PHF24: variants seen among roughly 807,000 people sequenced by gnomAD.
PHF24 encodes the protein Galpha inhibitory interacting protein.
A neutral mutation model predicts 42.6 loss-of-function variants in PHF24; 25 were observed. The ratio of observed to expected loss-of-function variants is 0.59; its 90% confidence interval spans 0.43 to 0.82. PHF24 has a LOEUF of 0.82. PHF24 is among the 40% of genes least tolerant of loss of function. The probability of loss-of-function intolerance (pLI) is 0.00; values close to 1 mark genes in which losing one functional copy is unlikely to be tolerated. For missense variants in PHF24, 470 were observed against 538.1 expected, an observed-to-expected ratio of 0.87 and a Z score of 1.25; for synonymous variants, 185 against 204.8, an observed-to-expected ratio of 0.90 and a Z score of 0.83.
At chr9:34,744,089 T>C in the PHF24 span, among the ~76,000 whole-genome samples, 1 of 152,178 alleles carries the variant, frequency 6.6e-6, no homozygotes, top group Non-Finnish European at 1.5e-5. Flanking sequence ...CTTAATACCT[T>C]TGCACTGGAG....
chr9:34,738,623 G>A, the PHF24 span, among the ~76,000 whole-genome samples: 2 of 152,164 alleles, frequency 1.3e-5, no homozygotes, highest in African/African-American at 4.8e-5. Flanking sequence ...TGGGATTACA[G>A]GTGTAAGCCA....
chr9:34,841,900 T>A, the PHF24 span, among the ~76,000 whole-genome samples: 7 of 152,234 alleles, frequency 4.6e-5, no homozygotes, highest in Admixed American at 4.6e-4. Context: ...ATTTTCACAT[T>A]TGTATATACT....
chr9:34,880,548 G>A, the PHF24 span, among the ~76,000 whole-genome samples: 1 of 152,080 alleles, frequency 6.6e-6, no homozygotes, highest in Admixed American at 6.6e-5. Context: ...AAAAGCAGGG[G>A]TTGCAGTCCT....
chr9:34,678,694 G>A, the PHF24 span, among the ~76,000 whole-genome samples: 3 of 151,550 alleles, frequency 2.0e-5, no homozygotes, highest in Admixed American at 1.3e-4. Flanking sequence ...GCAGTGACAC[G>A]ATCTCGGCTC....
chr9:34,733,133 C>A, the PHF24 span, among the ~76,000 whole-genome samples: 1 of 152,186 alleles, frequency 6.6e-6, no homozygotes, highest in Admixed American at 6.5e-5. Context: ...TTTGCACTCT[C>A]ACCAAAACTC....
At chr9:34,978,697 G>A (rs185681932) in exon 8 of PHF24, 7 of 152,466 alleles carry the variant, frequency 4.6e-5, no homozygotes, top group Admixed American at 2.6e-4. Context: ...TATGTACCTC[G>A]GCTGTACTGA....
At chr9:34,869,156 G>A in the PHF24 span, among the ~76,000 whole-genome samples, 4 of 152,158 alleles carry the variant, frequency 2.6e-5, no homozygotes, top group Non-Finnish European at 5.9e-5. Flanking sequence ...GTCTACCATT[G>A]ATGGGCATTT....
the PHF24 span, among the ~76,000 whole-genome samples, chr9:34,775,298 G>C: frequency 6.6e-6 from 1 of 152,162 alleles, no homozygotes; most frequent in Non-Finnish European, 1.5e-5. Context: ...CAAAAGGACA[G>C]ATATTATATG....
chr9:34,912,563 A>G, the PHF24 span, among the ~76,000 whole-genome samples: 4 of 152,240 alleles, frequency 2.6e-5, no homozygotes, highest in Non-Finnish European at 2.9e-5. Flanking sequence ...GAACTGCCAT[A>G]TAGCCCATCA....
At chr9:34,750,923 A>G in the PHF24 span, among the ~76,000 whole-genome samples, 1,885 of 152,294 alleles carry the variant, frequency 0.012, 23 homozygotes, top group Admixed American at 0.028. Context: ...AAACTCTTCA[A>G]TCAAAAGACA....
At chr9:34,739,344 AG>A in the PHF24 span, among the ~76,000 whole-genome samples, 1 of 152,216 alleles carries the variant, frequency 6.6e-6, no homozygotes, top group Admixed American at 6.5e-5. Flanking sequence ...AGTGCCATTT[AG>A]GGGTACTTAT....
the PHF24 span, among the ~76,000 whole-genome samples, chr9:34,681,647 C>T: frequency 6.6e-6 from 1 of 152,308 alleles, no homozygotes; most frequent in Non-Finnish European, 1.5e-5. Context: ...CCTGTCTCTA[C>T]TAAAAATAGA....
chr9:34,914,973 G>T, the PHF24 span, among the ~76,000 whole-genome samples: 6 of 97,350 alleles, frequency 6.2e-5, no homozygotes, highest in South Asian at 1.9e-3. Context: ...TTTTTTTTTG[G>T]TAGAGACAGG....
At chr9:34,848,059 C>A in the PHF24 span, among the ~76,000 whole-genome samples, 1 of 152,040 alleles carries the variant, frequency 6.6e-6, no homozygotes, top group East Asian at 1.9e-4. Flanking sequence ...ATCTAAAATT[C>A]TCTTTTTTGG....
At chr9:34,938,934 CAAA>C in the PHF24 span, among the ~76,000 whole-genome samples, 3,652 of 63,232 alleles carry the variant, frequency 0.058, 50 homozygotes, top group Non-Finnish European at 0.074. Flanking sequence ...GAGACTCCAT[CAAA>C]AAAAAAAAAA....
At chr9:34,684,561 G>A in the PHF24 span, among the ~76,000 whole-genome samples, 2 of 152,170 alleles carry the variant, frequency 1.3e-5, no homozygotes, top group Non-Finnish European at 2.9e-5. Context: ...ATTAATGGGT[G>A]TCCTGTCAGC....
the PHF24 span, among the ~76,000 whole-genome samples, chr9:34,858,622 A>G: frequency 1.3e-5 from 2 of 152,224 alleles, no homozygotes; most frequent in African/African-American, 4.8e-5. Flanking sequence ...GCCTGAGCCC[A>G]AGGGTGCTGA....
chr9:34,690,423 C>G, the PHF24 span: 1 of 913,262 alleles, frequency 1.1e-6, no homozygotes, highest in Non-Finnish European at 1.6e-6. Context: ...ATTGAGGACA[C>G]CTGTGTGTGT....
At chr9:34,742,271 T>G in the PHF24 span, among the ~76,000 whole-genome samples, 4 of 152,134 alleles carry the variant, frequency 2.6e-5, no homozygotes, top group African/African-American at 9.7e-5. Context: ...TAGATTAAAG[T>G]CTCCCAAAGA....
Sources: gnomAD v4.1 joint callset for allele counts (sites outside exome capture counted in the v4.1 genomes callset) on GRCh38, gnomAD v4.1.1 for gene constraint, MANE v1.5 for transcripts, NCBI Gene and HGNC (gene_info 2026-07-23, HGNC 2026-07-21) for gene names.